Variants in CDC27 observed in about 807,000 individuals in gnomAD.
The protein encoded by CDC27 is cell division cycle protein 27 homolog.
Under a neutral mutation model 109.7 loss-of-function variants are expected in CDC27, and 27 were observed. The observed-to-expected ratio is 0.25, with a 90% CI of 0.18 to 0.34. The LOEUF (loss-of-function observed/expected upper bound fraction) is 0.34. Ranked by LOEUF, CDC27 falls within the 10% of genes least tolerant of loss-of-function variation. The pLI is 1.00. For missense variants in CDC27, 579 were observed against 960.2 expected, an observed-to-expected ratio of 0.60 and a Z score of 5.25; for synonymous variants, 266 against 333.9, an observed-to-expected ratio of 0.80 and a Z score of 2.22.
intron 2 of CDC27, among the ~76,000 whole-genome samples, chr17:47,178,880 G>A (rs1003819283): frequency 4.6e-5 from 7 of 151,808 alleles, no homozygotes. Flanking sequence ...TCGGCTCACC[G>A]CAACCTCCGC....
intron 2 of CDC27, among the ~76,000 whole-genome samples, chr17:47,172,938 GT>G (rs2063856822): frequency 2.0e-5 from 3 of 152,176 alleles, no homozygotes; most frequent in African/African-American, 7.2e-5. Flanking sequence ...TTCTCAAAGT[GT>G]GGTCCTTGTA....
At chr17:47,187,902 A>T (rs2064508778) in intron 1 of CDC27, among the ~76,000 whole-genome samples, 1 of 151,974 alleles carries the variant, frequency 6.6e-6, no homozygotes, top group Admixed American at 6.6e-5. Flanking sequence ...TTGGATGGAA[A>T]TAGCTCTAGA....
chr17:47,176,760 T>C (rs766008700), intron 2 of CDC27, among the ~76,000 whole-genome samples: 1 of 152,212 alleles, frequency 6.6e-6, no homozygotes, highest in Non-Finnish European at 1.5e-5. Flanking sequence ...GATTTGAATA[T>C]ATTGAGTTTG....
chr17:47,164,710 C>T (rs1323470032), intron 4 of CDC27, among the ~76,000 whole-genome samples: 3 of 152,036 alleles, frequency 2.0e-5, no homozygotes, highest in Non-Finnish European at 2.9e-5. Flanking sequence ...CCAGCTACTC[C>T]GGAGGCTGAG....
rs1555560988 is a variant in CDC27 at position 47,180,945 on chromosome 17, T to TCAAAAAAAA, written c.103+616_103+617insTTTTTTTTG. On this transcript the variant is annotated intron_variant, in intron 2 of 18. Transcript: ENST00000066544. The stretch of plus-strand genomic sequence containing the variant: ...CACCATAGAATACAGACTCTTTTCT[T>TCAAAAAAAA]AAAAAAAAAAAAAAAAAAAAAAAAT... Among the ~76,000 whole-genome samples, 122 of 111,650 alleles carry TCAAAAAAAA rather than the reference T, an allele frequency of 1.1e-3. 1 individual carries two copies. Among genetic ancestry groups the TCAAAAAAAA allele is most frequent in the African/African-American group, 1.5e-3 (42 of 28,906 alleles). 73.2% of individuals were successfully genotyped at this position (111,650 alleles called of 152,430 possible).
At chr17:47,138,938 T>C in intron 12 of CDC27, 47 bp from the exon 13 acceptor site, 1 of 1,279,472 alleles carries the variant, frequency 7.8e-7, no homozygotes, top group Non-Finnish European at 1.1e-6. Flanking sequence ...ATACAATTTA[T>C]ATATATACAC....
At chr17:47,182,027 A>G (rs930771741) in intron 1 of CDC27, among the ~76,000 whole-genome samples, 3 of 152,218 alleles carry the variant, frequency 2.0e-5, no homozygotes, top group Admixed American at 6.5e-5. Flanking sequence ...TACCTCTTCT[A>G]GTAGAGCACT....
intron 2 of CDC27, among the ~76,000 whole-genome samples, chr17:47,174,745 C>T (rs1024409266): frequency 1.3e-4 from 20 of 152,128 alleles, no homozygotes; most frequent in African/African-American, 4.8e-4. Flanking sequence ...CACCTGAGGT[C>T]AAGAGTTCAA....
chr17:47,125,717 T>C (rs1055756315), intron 16 of CDC27, among the ~76,000 whole-genome samples: 8 of 151,788 alleles, frequency 5.3e-5, no homozygotes, highest in Admixed American at 3.3e-4. Context: ...CTAATTTTTG[T>C]ATTTTTAGTA....
At position 47,122,547 on chromosome 17, in the gene CDC27, A is replaced by T. The variant is rs193030816; in HGVS notation, c.2289T>A (p.Ala763=). ...THLALMNFSW[A]MDLDPKGANN... is the part of the protein sequence containing the mutation. ...TGGCTCCTTTAGGATCTAAATCCAT[A>T]GCCCAAGAGAAATTCATCAGGGCGA... Residue 763 remains alanine, a synonymous_variant, in exon 18 of 19, where the codon GCT becomes GCA. Coordinates refer to ENST00000066544, the MANE Select transcript of CDC27 (RefSeq NM_001256.6). 19 of 1,612,028 alleles carry T rather than the reference A, an allele frequency of 1.2e-5. No homozygotes were observed. The Admixed American group carries it at 3.2e-4, about 27-fold the overall frequency.
chr17:47,185,418 C>T (rs1463002621), intron 1 of CDC27, among the ~76,000 whole-genome samples: 3 of 152,054 alleles, frequency 2.0e-5, no homozygotes, highest in Non-Finnish European at 1.5e-5. Flanking sequence ...CTCCTGACCT[C>T]GTGATCCGCC....
At chr17:47,182,757 C>A (rs1410884159) in intron 1 of CDC27, among the ~76,000 whole-genome samples, 2 of 152,068 alleles carry the variant, frequency 1.3e-5, no homozygotes, top group Non-Finnish European at 2.9e-5. Flanking sequence ...ATCTATTTTA[C>A]AGCATGTGGA....
At chr17:47,156,328 C>T (rs555816659) in intron 7 of CDC27, among the ~76,000 whole-genome samples, 25 of 151,800 alleles carry the variant, frequency 1.6e-4, no homozygotes, top group Non-Finnish European at 2.9e-4. Flanking sequence ...TTAGTAGAGA[C>T]GGGGTTTCGC....
chr17:47,188,902 C>A, intron 1 of CDC27: 6 of 1,385,970 alleles, frequency 4.3e-6, no homozygotes, highest in Non-Finnish European at 5.6e-6. Flanking sequence ...TTGGCTCGGA[C>A]GGGAAAGGCG....
intron 16 of CDC27, among the ~76,000 whole-genome samples, chr17:47,128,528 C>T (rs542104291): frequency 6.6e-6 from 1 of 152,160 alleles, no homozygotes; most frequent in East Asian, 1.9e-4. Flanking sequence ...AACTAGTCTC[C>T]GTGTTATAAG....
chr17:47,156,303 T>C (rs1160242689), intron 7 of CDC27, among the ~76,000 whole-genome samples: 1 of 151,682 alleles, frequency 6.6e-6, no homozygotes, highest in Non-Finnish European at 1.5e-5. Context: ...CACACCCGGC[T>C]AGTTTTTTGT....
chr17:47,138,466 G>A (rs1017133416), intron 13 of CDC27, among the ~76,000 whole-genome samples: 1 of 151,928 alleles, frequency 6.6e-6, no homozygotes, highest in African/African-American at 2.4e-5. Context: ...TCTGCTCAAC[G>A]AACCCTAATC....
chr17:47,129,012 C>G (rs1056455694), intron 16 of CDC27, among the ~76,000 whole-genome samples: 48 of 152,104 alleles, frequency 3.2e-4, no homozygotes, highest in Non-Finnish European at 2.9e-5. Flanking sequence ...CTCAGGTGAT[C>G]CGCCCGCCTT....
At chr17:47,148,459 A>C (rs2063047937) in intron 9 of CDC27, among the ~76,000 whole-genome samples, 1 of 152,154 alleles carries the variant, frequency 6.6e-6, no homozygotes. Flanking sequence ...CTAATATACA[A>C]GTACCTGGAG....
Sources: allele counts gnomAD v4.1 joint callset (sites outside exome capture counted in the v4.1 genomes callset), GRCh38; gene constraint gnomAD v4.1.1; transcripts MANE v1.5; gene names NCBI Gene and HGNC (gene_info 2026-07-23, HGNC 2026-07-21).